The following SERPINI2 variants were observed in gnomAD, a reference collection of about 807,000 sequenced individuals.
The protein encoded by SERPINI2 is serpin I2.
SERPINI2 carries 48 observed loss-of-function variants against 47.3 expected under a neutral mutation model. The observed-to-expected ratio is 1.02, with a 90% CI of 0.81 to 1.29. The LOEUF is 1.29. SERPINI2 is among the 50% of genes most tolerant of loss of function. The pLI, the probability that SERPINI2 is intolerant of heterozygous loss-of-function variation, is 0.00. For missense variants in SERPINI2, 448 were observed against 456.9 expected (o/e 0.98, Z 0.18); for synonymous variants, 135 against 149.3 (o/e 0.90, Z 0.70).
chr3:167,473,828 C>G, intron 1 of SERPINI2, 175 bp downstream of exon 1: 1 of 1,386,658 alleles, frequency 7.2e-7, no homozygotes, highest in Non-Finnish European at 9.3e-7. Context: ...ACTGGATCTT[C>G]TGATTTGTGG....
chr3:167,458,066 T>G (rs984409364), intron 5 of SERPINI2, among the ~76,000 whole-genome samples: 1 of 152,178 alleles, frequency 6.6e-6, no homozygotes, highest in Non-Finnish European at 1.5e-5. Flanking sequence ...AATTCTTCAT[T>G]GCATATAGGA....
intron 5 of SERPINI2, among the ~76,000 whole-genome samples, chr3:167,455,778 G>A (rs966067087): frequency 6.6e-6 from 1 of 152,102 alleles, no homozygotes; most frequent in Non-Finnish European, 1.5e-5. Flanking sequence ...AAGGCAAAGA[G>A]GAATGGGCAC....
chr3:167,469,148 A>G (rs1408002637), intron 2 of SERPINI2: 1 of 152,202 alleles, frequency 6.6e-6, no homozygotes, highest in East Asian at 1.9e-4. Context: ...GATTAATGAC[A>G]TTTTTAGCAC....
At chr3:167,459,621 T>C (rs537409392) in intron 5 of SERPINI2, among the ~76,000 whole-genome samples, 37 of 151,452 alleles carry the variant, frequency 2.4e-4, no homozygotes, top group Non-Finnish European at 4.9e-4. Flanking sequence ...AACTATAATC[T>C]AAATAGTCAC....
intron 8 of SERPINI2, among the ~76,000 whole-genome samples, chr3:167,445,384 G>A (rs1033242835): frequency 9.2e-5 from 14 of 152,046 alleles, no homozygotes; most frequent in Admixed American, 5.2e-4. Flanking sequence ...CACTTAGTAT[G>A]TGCCAGGCAC....
At chr3:167,453,661 GGGGGT>G (rs534343813) in intron 5 of SERPINI2, among the ~76,000 whole-genome samples, 246 of 149,330 alleles carry the variant, frequency 1.6e-3, no homozygotes, top group African/African-American at 6.1e-3. Flanking sequence ...AGGAGTGGGG[GGGGGT>G]GGGCAAAAAA....
intron 6 of SERPINI2, 100 bp from the exon 7 acceptor site, chr3:167,449,502 A>G (rs530413801): frequency 0.022 from 12,539 of 577,748 alleles, 1,191 homozygotes; most frequent in African/African-American, 0.21. Flanking sequence ...TTATTTATTT[A>G]TTTATTTTTT....
chr3:167,465,310 T>C (rs1398447086), exon 5 of SERPINI2: 15 of 1,613,212 alleles, frequency 9.3e-6, no homozygotes, highest in African/African-American at 1.3e-5. Context: ...CCATACCTTC[T>C]GCAGGAAGTA....
At chr3:167,470,443 T>C (rs1750272021) in intron 2 of SERPINI2, among the ~76,000 whole-genome samples, 1 of 149,000 alleles carries the variant, frequency 6.7e-6, no homozygotes, top group Non-Finnish European at 1.5e-5. Flanking sequence ...AATTCCCAAA[T>C]CAAAAATCTG....
intron 5 of SERPINI2, among the ~76,000 whole-genome samples, chr3:167,454,148 G>GC (rs1406363033): frequency 1.4e-4 from 22 of 152,296 alleles, no homozygotes; most frequent in African/African-American, 5.1e-4. Context: ...CAGCAGGTAG[G>GC]CCCACATCTG....
At chr3:167,456,148 CTCTGTG>C (rs1749784386) in intron 5 of SERPINI2, among the ~76,000 whole-genome samples, 1 of 99,798 alleles carries the variant, frequency 1.0e-5, no homozygotes, top group South Asian at 3.3e-4. Context: ...AATCAATTAC[CTCTGTG>C]TGTGTGTGTG....
At chr3:167,453,065 C>T (rs376580004) in intron 5 of SERPINI2, 32 bp from the exon 6 acceptor site, 1 of 1,239,128 alleles carries the variant, frequency 8.1e-7, no homozygotes. Context: ...AAAGAAAAGT[C>T]TTGAAACACT....
At chr3:167,449,431 A>ATTT in intron 6 of SERPINI2, 29 bp from the exon 7 acceptor site, 4 of 1,409,286 alleles carry the variant, frequency 2.8e-6, no homozygotes, top group Non-Finnish European at 3.0e-6. Context: ...ACAAAAGTGT[A>ATTT]TTTAAGAGTT....
chr3:167,453,137 T>C (rs1198768996), intron 5 of SERPINI2, 104 bp from the exon 6 acceptor site: 2 of 554,380 alleles, frequency 3.6e-6, no homozygotes, highest in Non-Finnish European at 6.3e-6. Flanking sequence ...GTAAAATCTT[T>C]TGTTTTTATT....
At position 167,453,042 on chromosome 3, in the gene SERPINI2, A is replaced by T. The variant is rs1383203123; in HGVS notation, c.867-9T>A. ...TTTGTTCTACTTTAAATCTGTTATT[A>T]AAAAAAAAAGAAAAAGAAAAGTCTT... On this transcript the variant is annotated splice_polypyrimidine_tract_variant and intron_variant, in intron 5 of 8. Transcript: ENST00000264677. The T allele has an allele frequency of 1.1e-5, 12 of 1,131,870 alleles. No homozygotes were observed. Among genetic ancestry groups the T allele is most frequent in the Middle Eastern group, 2.6e-4 (1 of 3,868 alleles). 70.1% of individuals were successfully genotyped at this position (1,131,870 alleles called of 1,614,324 possible). A position where few individuals can be genotyped will look rare whatever the true frequency, so the allele number is the denominator to read the frequency against.
chr3:167,448,618 G>A (rs1019166640), intron 7 of SERPINI2, among the ~76,000 whole-genome samples: 6 of 152,260 alleles, frequency 3.9e-5, no homozygotes, highest in East Asian at 1.9e-4. Context: ...TGCCTCCTGG[G>A]TTCACGCCAT....
chr3:167,458,187 T>G (rs1749855647), intron 5 of SERPINI2, among the ~76,000 whole-genome samples: 1 of 32,624 alleles, frequency 3.1e-5, no homozygotes, highest in Non-Finnish European at 5.7e-5. Flanking sequence ...TAATGCTTAC[T>G]TATACGATTC....
intron 2 of SERPINI2, among the ~76,000 whole-genome samples, chr3:167,471,290 C>T (rs778345536): frequency 7.9e-5 from 12 of 151,950 alleles, no homozygotes; most frequent in South Asian, 2.1e-4. Context: ...CACACATGCA[C>T]GCCCAGTATA....
At chr3:167,444,703 A>G (rs1279311948) in intron 8 of SERPINI2, among the ~76,000 whole-genome samples, 1 of 152,206 alleles carries the variant, frequency 6.6e-6, no homozygotes, top group African/African-American at 2.4e-5. Context: ...ACTTTAAAGG[A>G]GTAACCCTAG....
Sources: gnomAD v4.1 joint callset for allele counts (sites outside exome capture counted in the v4.1 genomes callset) on GRCh38, gnomAD v4.1.1 for gene constraint, MANE v1.5 for transcripts, NCBI Gene and HGNC (gene_info 2026-07-23, HGNC 2026-07-21) for gene names.